The following AQP2 variants were observed in gnomAD, a reference collection of about 807,000 sequenced individuals.
The protein encoded by AQP2 is aquaporin-2.
A neutral mutation model predicts 21.6 loss-of-function variants in AQP2; 20 were observed. That is an observed-to-expected ratio of 0.92 (90% confidence interval 0.65 to 1.34). The LOEUF (loss-of-function observed/expected upper bound fraction) is 1.34. Among genes scored for constraint, AQP2 ranks in the 40% most tolerant of loss-of-function variants. The pLI is 0.00. For synonymous variants in AQP2, 168 were observed against 166.9 expected, an observed-to-expected ratio of 1.01 and a Z score of -0.05; for missense variants, 325 against 363.4, an observed-to-expected ratio of 0.89 and a Z score of 0.86.
intron 1 of AQP2, 60 bp downstream of exon 1, chr12:49,951,250 G>A: frequency 6.5e-7 from 1 of 1,537,372 alleles, no homozygotes; most frequent in Non-Finnish European, 8.8e-7. Flanking sequence ...CCTTGTAAAG[G>A]ATGAGATGGG....
Position 49,954,147 on chromosome 12 carries a change from G to A in AQP2, c.361-8G>A, listed in dbSNP as rs745686376. On this transcript the variant is annotated splice_region_variant and splice_polypyrimidine_tract_variant and intron_variant, in intron 1 of 3. Transcript: ENST00000199280. Reference sequence around the variant, plus strand: ...GTGTTCCCCTACCCGCCTCTTCTCTGTCCCCAGCTCAGCAACAGCACGACG... The same window carrying A: ...GTGTTCCCCTACCCGCCTCTTCTCTATCCCCAGCTCAGCAACAGCACGACG... 1 of 1,598,178 alleles carries A rather than the reference G, an allele frequency of 6.3e-7. No homozygotes were observed. Among genetic ancestry groups the A allele is most frequent in the Non-Finnish European group, 8.5e-7 (1 of 1,179,938 alleles).
chr12:49,954,477 T>C, intron 2 of AQP2, 153 bp from the exon 3 acceptor site: 3 of 1,214,086 alleles, frequency 2.5e-6, no homozygotes, highest in Non-Finnish European at 3.6e-6. Context: ...GAGGGACAGA[T>C]ATCACTCCAG....
In AQP2 at chr12:49,955,690, CA is replaced by C; in HGVS notation, c.*83del. On this transcript the variant is annotated 3_prime_UTR_variant, in exon 4 of 4. Transcript: ENST00000199280. ...GGCCCACCCCGTCCCTCCTCTCCCGCAGGTCTGAAGTTGGCCCCCCAGCGCA... is the reference window on the plus strand; with the variant it reads ...GGCCCACCCCGTCCCTCCTCTCCCGCGGTCTGAAGTTGGCCCCCCAGCGCA... 2 of 1,489,122 alleles carry C rather than the reference CA, an allele frequency of 1.3e-6. No individual in the cohort carries two copies. The highest frequency in any genetic ancestry group is 9.0e-7 in the Non-Finnish European group (1 of 1,106,842). The allele number at this position is 1,489,122 out of a possible 1,614,324, so 92.2% of individuals were successfully genotyped here.
rs1565638045 is a variant in AQP2 at position 49,957,896 on chromosome 12, T to A, written c.*2288T>A. On this transcript the variant is annotated 3_prime_UTR_variant, in exon 4 of 4. Transcript: ENST00000199280. ...AACTCCTCTAGAAGAAGCCAAGAAT[T>A]TCTCTCTATGTCTGTTTCACTTTTT... The A allele has an allele frequency of 6.6e-6, 1 of 151,760 alleles. No homozygotes were observed. The highest frequency in any genetic ancestry group is 1.5e-5 in the Non-Finnish European group (1 of 67,870). 9.4% of individuals were successfully genotyped at this position (151,760 alleles called of 1,614,324 possible). A position where few individuals can be genotyped will look rare whatever the true frequency, so the allele number is the denominator to read the frequency against.
In AQP2 at chr12:49,958,224, G is replaced by GT. The variant is rs1947387119; in HGVS notation, c.*2617dup. ...TCCCCTGTGATTATCTCCCAACCCC[G>GT]TGACAAAGGTAGAGCAAATATTGTT... On this transcript the variant is annotated 3_prime_UTR_variant, in exon 4 of 4. Coordinates refer to ENST00000199280, the MANE Select transcript of AQP2 (RefSeq NM_000486.6). 1 of 152,218 alleles carries GT rather than the reference G, an allele frequency of 6.6e-6. No homozygotes were observed. Among genetic ancestry groups the GT allele is most frequent in the African/African-American group, 2.4e-5 (1 of 41,460 alleles). 9.4% of individuals were successfully genotyped at this position (152,218 alleles called of 1,614,324 possible). A position where few individuals can be genotyped will look rare whatever the true frequency, so the allele number is the denominator to read the frequency against.
At position 49,958,627 on chromosome 12, in the gene AQP2, G is replaced by A. The variant is rs1395000423; in HGVS notation, c.*3019G>A. 6.6e-6 allele frequency: 1 copy of A among 152,282 alleles called. No individual in the cohort carries two copies. Among genetic ancestry groups the A allele is most frequent in the African/African-American group, 2.4e-5 (1 of 41,476 alleles). 9.4% of individuals were successfully genotyped at this position (152,282 alleles called of 1,614,324 possible). ...GGTAGACAGACCTCCAGGTCCCTAA[G>A]CTGGGGACAGAGAAGGTTCTGAGCT... On this transcript the variant is annotated 3_prime_UTR_variant, in exon 4 of 4. Transcript: ENST00000199280.
At chr12:49,953,694 C>T (rs1485955717) in intron 1 of AQP2, among the ~76,000 whole-genome samples, 1 of 152,200 alleles carries the variant, frequency 6.6e-6, no homozygotes, top group East Asian at 1.9e-4. Context: ...CTCTGGGAGC[C>T]ATTTAACCTC....
chr12:49,950,991 C>T lies in AQP2; in HGVS notation c.161C>T (p.Thr54Ile), dbSNP rs1466275664. Reference sequence around the variant, plus strand: ...ATGGCGTTTGGCTTGGGTATTGGCACCCTGGTACAGGCTCTGGGCCACATA... The same window carrying T: ...ATGGCGTTTGGCTTGGGTATTGGCATCCTGGTACAGGCTCTGGGCCACATA... ...IAMAFGLGIGTLVQALGHISG... is the reference protein window; with the variant it reads ...IAMAFGLGIGILVQALGHISG... The change falls in exon 1 of 4, where the codon ACC (threonine) becomes ATC (isoleucine). Residue 54 changes from threonine to isoleucine, a missense_variant. Thr to Ile is a moderately conservative substitution (Grantham distance 89, BLOSUM62 -1). Coordinates refer to ENST00000199280, the MANE Select transcript of AQP2 (RefSeq NM_000486.6). The T allele has an allele frequency of 2.5e-6, 4 of 1,614,066 alleles. No individual in the cohort carries two copies. The highest frequency in any genetic ancestry group is 2.2e-5 in the East Asian group (1 of 44,898).
Position 49,951,119 on chromosome 12 carries a change from G to T in AQP2, c.289G>T (p.Ala97Ser). Residue 97 changes from alanine (A) to serine (S), a missense_variant, in exon 1 of 4, where the codon GCT (alanine) becomes TCT (serine). Coordinates refer to ENST00000199280, the MANE Select transcript of AQP2 (RefSeq NM_000486.6). ...CTACGTGGCTGCCCAGCTGCTGGGG[G>T]CTGTGGCCGGAGCCGCTCTGCTCCA... ...AFYVAAQLLG[A>S]VAGAALLHEI... is the part of the protein sequence containing the mutation. 6.2e-7 allele frequency: 1 copy of T among 1,607,222 alleles called. No individual in the cohort carries two copies. The highest frequency in any genetic ancestry group is 8.5e-7 in the Non-Finnish European group (1 of 1,175,126).
At position 49,955,805 on chromosome 12, in the gene AQP2, G is replaced by A; in HGVS notation, c.*197G>A. ...CCGGAGGGAGCCCTGAGCCTGGCAGGTCCCCTGCCCTGAGGCTGTGAGCAG... is the reference window on the plus strand; with the variant it reads ...CCGGAGGGAGCCCTGAGCCTGGCAGATCCCCTGCCCTGAGGCTGTGAGCAG... On this transcript the variant is annotated 3_prime_UTR_variant, in exon 4 of 4. Transcript: ENST00000199280. 2.6e-6 allele frequency: 2 copies of A among 780,004 alleles called. No homozygotes were observed. The highest frequency in any genetic ancestry group is 4.4e-6 in the Non-Finnish European group (2 of 459,052). The allele number at this position is 780,004 out of a possible 1,614,324, so 48.3% of individuals were successfully genotyped here.
chr12:49,954,725 C>A lies in AQP2; in HGVS notation c.606+15C>A. Reference sequence around the variant, plus strand: ...ATGACCACTGGGTAATGGCTGAAACCCCCTGCCCTCCCCTTCTCTAGAAAC... The same window carrying A: ...ATGACCACTGGGTAATGGCTGAAACACCCTGCCCTCCCCTTCTCTAGAAAC... On this transcript the variant is annotated intron_variant, in intron 3 of 3. Coordinates refer to ENST00000199280, the MANE Select transcript of AQP2 (RefSeq NM_000486.6). 1 of 1,609,962 alleles carries A rather than the reference C, an allele frequency of 6.2e-7. No homozygotes were observed. Among genetic ancestry groups the A allele is most frequent in the South Asian group, 1.1e-5 (1 of 90,984 alleles).
At position 49,954,614 on chromosome 12, in the gene AQP2, C is replaced by G. The variant is rs140461998; in HGVS notation, c.526-16C>G. The G allele has an allele frequency of 6.2e-7, 1 of 1,613,808 alleles. No individual in the cohort carries two copies. On this transcript the variant is annotated splice_polypyrimidine_tract_variant and intron_variant, in intron 2 of 3. Coordinates refer to ENST00000199280, the MANE Select transcript of AQP2 (RefSeq NM_000486.6). ...CTCACCTCCCTTCTCTCTTTGATGCCCTCCTCCCACTGCAGATCCATTACA... is the reference window on the plus strand; with the variant it reads ...CTCACCTCCCTTCTCTCTTTGATGCGCTCCTCCCACTGCAGATCCATTACA...
In AQP2 at chr12:49,950,983, T is replaced by G. The variant is rs1592814622; in HGVS notation, c.153T>G (p.Gly51=). The G allele has an allele frequency of 6.2e-7, 1 of 1,614,154 alleles. No individual in the cohort carries two copies. The highest frequency in any genetic ancestry group is 8.5e-7 in the Non-Finnish European group (1 of 1,180,034). The change falls in exon 1 of 4, where the codon GGT becomes GGG. Residue 51 remains glycine (G), a synonymous_variant. Transcript: ENST00000199280. ...AGATTGCCATGGCGTTTGGCTTGGG[T>G]ATTGGCACCCTGGTACAGGCTCTGG... is the stretch of plus-strand genomic sequence containing the variant. ...VLQIAMAFGL[G]IGTLVQALGH...
At chr12:49,952,947 T>C (rs771295430) in intron 1 of AQP2, among the ~76,000 whole-genome samples, 26 of 152,168 alleles carry the variant, frequency 1.7e-4, no homozygotes, top group Non-Finnish European at 2.9e-4. Flanking sequence ...ATAAGGGAAA[T>C]TCTGTGGTTC....
rs1298728228 is a variant in AQP2 at position 49,955,650 on chromosome 12, G to A, written c.*42G>A. The A allele has an allele frequency of 6.5e-7, 1 of 1,532,898 alleles. No individual in the cohort carries two copies. Among genetic ancestry groups the A allele is most frequent in the African/African-American group, 1.4e-5 (1 of 73,100 alleles). 95.0% of individuals were successfully genotyped at this position (1,532,898 alleles called of 1,614,324 possible). A position where few individuals can be genotyped will look rare whatever the true frequency, so the allele number is the denominator to read the frequency against. On this transcript the variant is annotated 3_prime_UTR_variant, in exon 4 of 4. Transcript: ENST00000199280. ...CTACGGCCCCGACGGACGCTTGTGA[G>A]GCCCGAGGCAGAAGGGCCCACCCCG...
chr12:49,953,477 C>T, intron 1 of AQP2, among the ~76,000 whole-genome samples: 1 of 152,128 alleles, frequency 6.6e-6, no homozygotes, highest in East Asian at 1.9e-4. Flanking sequence ...GGGCAGCCTA[C>T]ATGGGTGTGG....
intron 1 of AQP2, among the ~76,000 whole-genome samples, chr12:49,952,413 T>C (rs1947336841): frequency 6.6e-6 from 1 of 152,132 alleles, no homozygotes. Flanking sequence ...CAGCCTCTGT[T>C]CTTTAAAGAG....
In AQP2 at chr12:49,955,850, C is replaced by G; in HGVS notation, c.*242C>G. On this transcript the variant is annotated 3_prime_UTR_variant, in exon 4 of 4. Transcript: ENST00000199280. ...GAGCAGCTAGTGGTGGCTTCTCCAG[C>G]CTTTTTCAGGGAACTGGGAACTTAG... 4.5e-6 allele frequency: 3 copies of G among 668,250 alleles called. No individual in the cohort carries two copies. Among genetic ancestry groups the G allele is most frequent in the Non-Finnish European group, 5.3e-6 (2 of 373,852 alleles). The allele number at this position is 668,250 out of a possible 1,614,324, so 41.4% of individuals were successfully genotyped here.
In AQP2 at chr12:49,955,976, G is replaced by A. The variant is rs752256193; in HGVS notation, c.*368G>A. 2 of 456,584 alleles carry A rather than the reference G, an allele frequency of 4.4e-6. No homozygotes were observed. The highest frequency in any genetic ancestry group is 2.4e-5 in the South Asian group (1 of 40,962). The allele number at this position is 456,584 out of a possible 1,614,324, so 28.3% of individuals were successfully genotyped here. ...GGGAGTGTACAGACCCCTGCCTTGG[G>A]GGTTCCGGGAATGATGCAACTGGTT... On this transcript the variant is annotated 3_prime_UTR_variant, in exon 4 of 4. Coordinates refer to ENST00000199280, the MANE Select transcript of AQP2 (RefSeq NM_000486.6).
Sources: gnomAD v4.1 joint callset for allele counts (sites outside exome capture counted in the v4.1 genomes callset) on GRCh38, gnomAD v4.1.1 for gene constraint, MANE v1.5 for transcripts, NCBI Gene and HGNC (gene_info 2026-07-23, HGNC 2026-07-21) for gene names.